DENND4C: variants seen among roughly 807,000 people sequenced by gnomAD.
DENND4C encodes the protein DENN domain-containing protein 4C.
DENND4C carries 108 observed loss-of-function variants against 203.0 expected under a neutral mutation model. That is an observed-to-expected ratio of 0.53 (90% CI 0.46 to 0.62). The LOEUF (loss-of-function observed/expected upper bound fraction) is 0.62. DENND4C is among the 20% of genes least tolerant of loss of function. The pLI, the probability that DENND4C is intolerant of heterozygous loss-of-function variation, is 0.00. For synonymous variants in DENND4C, 871 were observed against 792.4 expected (o/e 1.10, Z -1.67); for missense variants, 2,481 against 2,301.2 (o/e 1.08, Z -1.60).
intron 5 of DENND4C, 41 bp downstream of exon 5, chr9:19,290,917 T>C: frequency 6.4e-7 from 1 of 1,562,684 alleles, no homozygotes; most frequent in Non-Finnish European, 8.7e-7. Context: ...TTTGTCCATG[T>C]TTTTATTTCA....
chr9:19,314,427 C>G (rs1035967543), intron 10 of DENND4C, among the ~76,000 whole-genome samples: 2 of 152,068 alleles, frequency 1.3e-5, no homozygotes, highest in Non-Finnish European at 2.9e-5. Context: ...GCACTCCAGC[C>G]TGGGCGACAG....
At chr9:19,355,245 C>G (rs1825141894) in intron 26 of DENND4C, among the ~76,000 whole-genome samples, 1 of 152,072 alleles carries the variant, frequency 6.6e-6, no homozygotes, top group South Asian at 2.1e-4. Flanking sequence ...CTTTCTTTTT[C>G]TTGTTGATCT....
chr9:19,356,124 G>A (rs868198715), intron 26 of DENND4C, among the ~76,000 whole-genome samples: 1 of 151,642 alleles, frequency 6.6e-6, no homozygotes, highest in African/African-American at 2.4e-5. Context: ...ATCTACCCCT[G>A]CGTCCTTCAA....
chr9:19,347,106 G>A lies in DENND4C; in HGVS notation c.4317+20G>A, dbSNP rs763541856. Reference sequence around the variant, plus strand: ...GATGAGGTAAGAAAGCTTTATGTGTGTAGTCTGTCTGCTATTGGAGTGTTT... The same window carrying A: ...GATGAGGTAAGAAAGCTTTATGTGTATAGTCTGTCTGCTATTGGAGTGTTT... On this transcript the variant is annotated intron_variant, in intron 23 of 32. Coordinates refer to ENST00000434457, the MANE Select transcript of DENND4C (RefSeq NM_001330640.2). The A allele has an allele frequency of 1.3e-6, 2 of 1,592,882 alleles. No homozygotes were observed. Among genetic ancestry groups the A allele is most frequent in the South Asian group, 1.1e-5 (1 of 89,890 alleles).
chr9:19,360,027 G>A (rs565580153), intron 28 of DENND4C, among the ~76,000 whole-genome samples: 1 of 152,164 alleles, frequency 6.6e-6, no homozygotes, highest in South Asian at 2.1e-4. Flanking sequence ...GTTTTAAAGA[G>A]TCTGTTGATT....
At chr9:19,370,047 A>G in intron 31 of DENND4C, 60 bp downstream of exon 31, 1 of 1,578,924 alleles carries the variant, frequency 6.3e-7, no homozygotes, top group East Asian at 2.3e-5. Flanking sequence ...TTAAAAAAAT[A>G]TCTTACTTTT....
Position 19,324,494 on chromosome 9 carries a change from A to G in DENND4C, c.1940A>G (p.Asp647Gly), listed in dbSNP as rs1221240617. The G allele has an allele frequency of 1.9e-6, 3 of 1,605,296 alleles. No individual in the cohort carries two copies. The highest frequency in any genetic ancestry group is 2.7e-5 in the African/African-American group (2 of 74,148). ...GATACTGGATTAGCATTTTTTGATGACTGCATAGAAAAGGTAAAAGTTTGT... is the reference window on the plus strand; with the variant it reads ...GATACTGGATTAGCATTTTTTGATGGCTGCATAGAAAAGGTAAAAGTTTGT... ...DKDTGLAFFD[D>G]CIEKLFPDKG... is the part of the protein sequence containing the mutation. Residue 647 changes from aspartate to glycine, a missense_variant, in exon 13 of 33, where the codon GAC (aspartate) becomes GGC (glycine). Asp to Gly is a moderately conservative substitution (Grantham distance 94). This residue lies in a region of DENND4C where 2,289 missense variants were observed against 2,113.3 expected (regional missense o/e 1.08). Coordinates refer to ENST00000434457, the MANE Select transcript of DENND4C (RefSeq NM_001330640.2).
intron 1 of DENND4C, among the ~76,000 whole-genome samples, chr9:19,275,581 C>G (rs1477091432): frequency 6.6e-6 from 1 of 151,870 alleles, no homozygotes; most frequent in Non-Finnish European, 1.5e-5. Flanking sequence ...AGCGATTCTC[C>G]TGCCTCAGCC....
At chr9:19,294,770 G>C (rs1263477186) in intron 5 of DENND4C, among the ~76,000 whole-genome samples, 1 of 152,228 alleles carries the variant, frequency 6.6e-6, no homozygotes, top group Non-Finnish European at 1.5e-5. Context: ...ATTATTCTAA[G>C]TGAAATAAGC....
At chr9:19,295,907 A>T in intron 5 of DENND4C, 101 bp from the exon 6 acceptor site, 1 of 880,386 alleles carries the variant, frequency 1.1e-6, no homozygotes, top group Non-Finnish European at 1.8e-6. Flanking sequence ...TATCTGTATA[A>T]GTGTACTCCA....
intron 2 of DENND4C, among the ~76,000 whole-genome samples, chr9:19,277,604 ATAGAAATAGT>A (rs902283950): frequency 2.0e-5 from 3 of 152,070 alleles, no homozygotes; most frequent in Non-Finnish European, 4.4e-5. Flanking sequence ...TCATCTGCAA[ATAGAAATAGT>A]TTTACTCCTT....
intron 15 of DENND4C, among the ~76,000 whole-genome samples, chr9:19,327,263 T>C (rs1299378518): frequency 6.6e-6 from 1 of 152,080 alleles, no homozygotes; most frequent in African/African-American, 2.4e-5. Context: ...GTAGACAATT[T>C]CCAAGAAATC....
At chr9:19,248,233 CAA>C (rs1188524633) in intron 1 of DENND4C, among the ~76,000 whole-genome samples, 3 of 152,328 alleles carry the variant, frequency 2.0e-5, no homozygotes, top group Admixed American at 6.5e-5. Flanking sequence ...ACTCTAAGCT[CAA>C]GAGCCACTGG....
At chr9:19,296,364 CTTT>C (rs749134604) in intron 6 of DENND4C, 118 bp downstream of exon 6, 1,904 of 476,018 alleles carry the variant, frequency 4.0e-3, no homozygotes, top group South Asian at 5.3e-3. Flanking sequence ...TTTAACTGAA[CTTT>C]TTTTTTTTTT....
Position 19,325,987 on chromosome 9 carries a change from TA to T in DENND4C, c.1989+14del. ...GAAAACAGATAAGGTATGTTTTTCT[TA>T]GATTTTAAGGGTTGAAATTTCAGAA... On this transcript the variant is annotated intron_variant, in intron 14 of 32. Transcript: ENST00000434457. 1 of 1,609,016 alleles carries T rather than the reference TA, an allele frequency of 6.2e-7. No homozygotes were observed. Among genetic ancestry groups the T allele is most frequent in the Non-Finnish European group, 8.5e-7 (1 of 1,178,292 alleles).
chr9:19,343,257 T>C (rs1166114610), intron 22 of DENND4C, among the ~76,000 whole-genome samples: 2 of 152,232 alleles, frequency 1.3e-5, no homozygotes, highest in Non-Finnish European at 2.9e-5. Flanking sequence ...CCCCAAGCCA[T>C]TTTTTATTTG....
At chr9:19,308,845 A>G (rs1017367780) in intron 10 of DENND4C, among the ~76,000 whole-genome samples, 12 of 152,336 alleles carry the variant, frequency 7.9e-5, no homozygotes, top group Admixed American at 7.8e-4. Flanking sequence ...CTACATTTGT[A>G]TAAATATGTA....
At chr9:19,361,139 A>G (rs1192086834) in intron 29 of DENND4C, among the ~76,000 whole-genome samples, 1 of 152,190 alleles carries the variant, frequency 6.6e-6, no homozygotes, top group Non-Finnish European at 1.5e-5. Flanking sequence ...CTGGGATTAC[A>G]GGCGTGAGCG....
chr9:19,277,832 C>T (rs1000871970), intron 2 of DENND4C, among the ~76,000 whole-genome samples: 1 of 152,114 alleles, frequency 6.6e-6, no homozygotes, highest in Non-Finnish European at 1.5e-5. Flanking sequence ...AAATGTTCTT[C>T]TATTCCTAGT....
Sources: allele counts gnomAD v4.1 joint callset (sites outside exome capture counted in the v4.1 genomes callset), GRCh38; gene constraint gnomAD v4.1.1; regional missense constraint gnomAD v4.1.1; transcripts MANE v1.5; gene names NCBI Gene and HGNC (gene_info 2026-07-23, HGNC 2026-07-21).